The following ZSCAN5C variants were observed in gnomAD, a reference collection of about 807,000 sequenced individuals.
ZSCAN5C encodes the protein zinc finger and SCAN domain containing 5C.
ZSCAN5C carries 11 observed loss-of-function variants against 17.3 expected under a neutral mutation model. The ratio of observed to expected loss-of-function variants is 0.64; its 90% CI spans 0.40 to 1.06. The LOEUF (loss-of-function observed/expected upper bound fraction) is 1.06. Among genes scored for constraint, ZSCAN5C ranks in the 50% least tolerant of loss-of-function variants. ZSCAN5C has a pLI of 0.00. For synonymous variants in ZSCAN5C, 229 were observed against 208.4 expected (o/e 1.10, Z -0.85); for missense variants, 698 against 538.9 (o/e 1.30, Z -2.92).
chr19:56,206,368 CGA>C, intron 2 of ZSCAN5C, 71 bp downstream of exon 2: 1 of 1,421,924 alleles, frequency 7.0e-7, no homozygotes, highest in East Asian at 2.5e-5. Context: ...CAGCTGGACT[CGA>C]GAGGACCCGA....
exon 2 of ZSCAN5C, chr19:56,205,903 C>T: frequency 9.5e-7 from 1 of 1,054,902 alleles, no homozygotes; most frequent in East Asian, 2.4e-5. Context: ...TTGAAATATT[C>T]CCCAGTAGAC....
exon 3 of ZSCAN5C, chr19:56,207,219 A>G (rs1339410632): frequency 1.3e-6 from 1 of 779,140 alleles, no homozygotes; most frequent in South Asian, 1.4e-5. Context: ...GCCAGCCAAG[A>G]GCTGCAGACC....
At chr19:56,206,449 G>A (rs946148757) in intron 2 of ZSCAN5C, among the ~76,000 whole-genome samples, 152 bp downstream of exon 2, 1 of 151,838 alleles carries the variant, frequency 6.6e-6, no homozygotes, top group Admixed American at 6.6e-5. Flanking sequence ...GGCAGTGTCT[G>A]GGGACAGTTT....
chr19:56,207,508 A>G (rs4801691), intron 3 of ZSCAN5C, among the ~76,000 whole-genome samples: 49,705 of 150,918 alleles, frequency 0.33, 8,617 homozygotes, highest in Middle Eastern at 0.58. Context: ...TCGGTGAAAT[A>G]ACGGAGGCAG....
chr19:56,209,307 A>G (rs1170632366), downstream of ZSCAN5C: 1 of 591,016 alleles, frequency 1.7e-6, no homozygotes, highest in Non-Finnish European at 3.0e-6. Flanking sequence ...CACGCAGAGG[A>G]GTGCCCTAGA....
intron 1 of ZSCAN5C, among the ~76,000 whole-genome samples, chr19:56,205,158 T>A (rs184041575): frequency 3.3e-5 from 5 of 151,780 alleles, no homozygotes; most frequent in African/African-American, 7.3e-5. Context: ...AACTAGACAG[T>A]GGTAATGGTT....
At chr19:56,204,889 T>A (rs533072963) in intron 1 of ZSCAN5C, among the ~76,000 whole-genome samples, 1 of 150,896 alleles carries the variant, frequency 6.6e-6, no homozygotes, top group Non-Finnish European at 1.5e-5. Context: ...TGGAGAGTAT[T>A]ACTCAGTGGC....
exon 2 of ZSCAN5C, chr19:56,205,827 G>C: frequency 1.6e-6 from 1 of 629,230 alleles, no homozygotes; most frequent in South Asian, 1.9e-5. Context: ...AGAAAAACCA[G>C]GGGTGGCCTG....
At chr19:56,207,298 G>A in intron 3 of ZSCAN5C, 36 bp downstream of exon 3, 1 of 746,400 alleles carries the variant, frequency 1.3e-6, no homozygotes, top group Non-Finnish European at 2.5e-6. Flanking sequence ...GGGCAGAGGT[G>A]GGAGAAGGAA....
chr19:56,205,999 C>T, exon 2 of ZSCAN5C: 1 of 1,602,400 alleles, frequency 6.2e-7, no homozygotes, highest in South Asian at 1.1e-5. Context: ...ATGCCATCCC[C>T]AGCAACTCAA....
exon 2 of ZSCAN5C, chr19:56,206,067 T>A (rs778509113): frequency 1.2e-6 from 2 of 1,612,940 alleles, no homozygotes; most frequent in Non-Finnish European, 8.5e-7. Flanking sequence ...GATGTTCAGC[T>A]GCCCGAAGGA....
chr19:56,207,244 T>C (rs770425132), exon 3 of ZSCAN5C: 10 of 778,524 alleles, frequency 1.3e-5, no homozygotes, highest in Non-Finnish European at 2.4e-5. Flanking sequence ...CCAGGGTCCC[T>C]GCACTGTTCA....
chr19:56,209,056 C>T, exon 5 of ZSCAN5C: 1 of 1,608,316 alleles, frequency 6.2e-7, no homozygotes, highest in Non-Finnish European at 8.5e-7. Flanking sequence ...AGAAAGTTTT[C>T]ACCTACAAGG....
intron 1 of ZSCAN5C, 69 bp from the exon 2 acceptor site, chr19:56,205,718 G>A (rs1377185626): frequency 1.6e-5 from 9 of 558,642 alleles, no homozygotes; most frequent in Non-Finnish European, 2.9e-5. Context: ...GGATTGGGAT[G>A]AGGGATTTGG....
exon 5 of ZSCAN5C, chr19:56,208,793 G>T (rs372171239): frequency 6.3e-7 from 1 of 1,580,348 alleles, no homozygotes; most frequent in African/African-American, 1.4e-5. Flanking sequence ...TGAGGTGTGC[G>T]GCAAGAGGTT....
At chr19:56,207,570 G>A (rs1320569789) in intron 3 of ZSCAN5C, among the ~76,000 whole-genome samples, 1 of 151,792 alleles carries the variant, frequency 6.6e-6, no homozygotes, top group Non-Finnish European at 1.5e-5. Context: ...TTTCCTCAAA[G>A]ACATTTAATG....
At chr19:56,209,155 C>A in exon 5 of ZSCAN5C, 1 of 1,237,374 alleles carries the variant, frequency 8.1e-7, no homozygotes, top group Non-Finnish European at 1.2e-6. Flanking sequence ...GGCCGGCGAC[C>A]TTAAGACGCC....
downstream of ZSCAN5C, chr19:56,209,212 G>A (rs1222614029): frequency 1.4e-6 from 1 of 713,954 alleles, no homozygotes; most frequent in South Asian, 1.6e-5. Flanking sequence ...TTCACCATCG[G>A]GTCTGTCTTC....
intron 3 of ZSCAN5C, among the ~76,000 whole-genome samples, 188 bp downstream of exon 3, chr19:56,207,450 T>A (rs2032935900): frequency 6.7e-6 from 1 of 149,268 alleles, no homozygotes. Flanking sequence ...TACTTTTCTC[T>A]CCACCATGAG....
Sources: gnomAD v4.1 joint callset for allele counts (sites outside exome capture counted in the v4.1 genomes callset) on GRCh38, gnomAD v4.1.1 for gene constraint, MANE v1.5 for transcripts, NCBI Gene and HGNC (gene_info 2026-07-23, HGNC 2026-07-21) for gene names.